The following MYO5B variants were observed in gnomAD, a reference collection of about 807,000 sequenced individuals.
The protein encoded by MYO5B is myosin VB.
Under a neutral mutation model 229.3 loss-of-function variants are expected in MYO5B, and 143 were observed. The ratio of observed to expected loss-of-function variants is 0.62; its 90% confidence interval spans 0.54 to 0.72. The LOEUF (loss-of-function observed/expected upper bound fraction) is 0.72. Ranked by LOEUF, MYO5B falls within the 30% of genes least tolerant of loss-of-function variation. The probability of loss-of-function intolerance (pLI) is 0.00; values close to 1 mark genes in which losing one functional copy is unlikely to be tolerated. For synonymous variants in MYO5B, 918 were observed against 885.2 expected, an observed-to-expected ratio of 1.04 and a Z score of -0.66; for missense variants, 2,321 against 2,331.0, an observed-to-expected ratio of 1.00 and a Z score of 0.09.
intron 25 of MYO5B, 51 bp downstream of exon 25, chr18:49,877,712 A>G (rs781296246): frequency 1.2e-6 from 2 of 1,611,972 alleles, no homozygotes; most frequent in Admixed American, 3.3e-5. Context: ...ACAGAAAAAA[A>G]CACACACTCC....
intron 22 of MYO5B, among the ~76,000 whole-genome samples, chr18:49,881,366 A>T (rs1288957310): frequency 6.6e-6 from 1 of 152,096 alleles, no homozygotes; most frequent in African/African-American, 2.4e-5. Flanking sequence ...TGCTATTGAC[A>T]CTCAACTGTC....
chr18:49,942,387 A>AC (rs1194950227), intron 14 of MYO5B, among the ~76,000 whole-genome samples: 1,211 of 109,240 alleles, frequency 0.011, 26 homozygotes, highest in African/African-American at 0.039. Flanking sequence ...CAGCAAAAAA[A>AC]AAAAAAAAAA....
chr18:49,921,049 C>T (rs1787308), intron 17 of MYO5B, among the ~76,000 whole-genome samples: 78,351 of 152,006 alleles, frequency 0.52, 21,003 homozygotes, highest in Middle Eastern at 0.61. Context: ...AGTAACTGTG[C>T]GTCTGTTTTA....
intron 22 of MYO5B, among the ~76,000 whole-genome samples, chr18:49,885,470 C>T (rs560741938): frequency 1.3e-5 from 2 of 152,258 alleles, no homozygotes; most frequent in African/African-American, 4.8e-5. Context: ...CTCTTCTAGA[C>T]TTCATGGCAT....
chr18:49,941,010 A>C, intron 14 of MYO5B, among the ~76,000 whole-genome samples: 1 of 152,238 alleles, frequency 6.6e-6, no homozygotes, highest in East Asian at 1.9e-4. Flanking sequence ...GAGTCAAGAG[A>C]AATTAACACA....
chr18:49,887,256 T>C (rs1159796036), intron 22 of MYO5B, among the ~76,000 whole-genome samples: 2 of 152,120 alleles, frequency 1.3e-5, no homozygotes, highest in South Asian at 4.1e-4. Context: ...TTGGTGATGA[T>C]GTCATGCACT....
intron 14 of MYO5B, 109 bp from the exon 15 acceptor site, chr18:49,937,506 A>G (rs1733348855): frequency 1.5e-6 from 2 of 1,300,622 alleles, no homozygotes; most frequent in African/African-American, 2.9e-5. Flanking sequence ...ACACACATCC[A>G]CGCCAAAACC....
At chr18:49,944,518 G>C (rs1006774989) in intron 14 of MYO5B, among the ~76,000 whole-genome samples, 1 of 152,044 alleles carries the variant, frequency 6.6e-6, no homozygotes, top group South Asian at 2.1e-4. Context: ...TAGCAGGAAG[G>C]GCATGGGGCT....
intron 7 of MYO5B, among the ~76,000 whole-genome samples, chr18:49,989,173 G>A (rs535309653): frequency 5.3e-5 from 8 of 152,126 alleles, no homozygotes; most frequent in Non-Finnish European, 7.4e-5. Context: ...ATGAACAAAC[G>A]CAAGAATTAT....
chr18:49,846,106 G>A (rs1208122171), intron 33 of MYO5B, among the ~76,000 whole-genome samples: 1 of 152,200 alleles, frequency 6.6e-6, no homozygotes, highest in African/African-American at 2.4e-5. Flanking sequence ...TGGCAGGCCA[G>A]CCCTGATTCA....
Position 49,853,468 on chromosome 18 carries a change from C to T in MYO5B, c.4202G>A (p.Arg1401Gln), listed in dbSNP as rs199722479. Residue 1401 changes from arginine to glutamine, a missense_variant, in exon 31 of 40, where the codon CGG (arginine) becomes CAG (glutamine). By Grantham distance (43) the Arg-to-Gln change is conservative. Coordinates refer to ENST00000285039, the MANE Select transcript of MYO5B (RefSeq NM_001080467.3). Reference protein sequence around the residue: ...VEFGVQQEISRLTNENLDLKE... With the variant: ...VEFGVQQEISQLTNENLDLKE... Reference sequence around the variant, plus strand: ...ACCCACCAGATTCTCGTTGGTCAGCCGGGATATTTCCTGCTGAACGCCGAA... The same window carrying T: ...ACCCACCAGATTCTCGTTGGTCAGCTGGGATATTTCCTGCTGAACGCCGAA... 6.0e-5 allele frequency: 97 copies of T among 1,613,890 alleles called. 1 individual carries two copies. The East Asian group carries it at 1.9e-3, about 32-fold the overall frequency.
chr18:49,954,725 G>T (rs1366968072), intron 12 of MYO5B, among the ~76,000 whole-genome samples: 2 of 152,178 alleles, frequency 1.3e-5, no homozygotes, highest in Non-Finnish European at 2.9e-5. Flanking sequence ...GAAAGCCAAG[G>T]TCACAGGAGC....
chr18:50,117,921 G>A (rs2031991724), intron 1 of MYO5B, among the ~76,000 whole-genome samples: 1 of 152,152 alleles, frequency 6.6e-6, no homozygotes, highest in South Asian at 2.1e-4. Context: ...TATGAAAGGA[G>A]CAAAGTCAGT....
At chr18:49,906,312 G>C in intron 19 of MYO5B, 107 bp downstream of exon 19, 1 of 1,148,802 alleles carries the variant, frequency 8.7e-7, no homozygotes, top group Non-Finnish European at 1.3e-6. Flanking sequence ...GCCCCAACAG[G>C]AACCACTCTC....
At chr18:49,967,334 T>G (rs1490427924) in intron 10 of MYO5B, among the ~76,000 whole-genome samples, 1 of 152,190 alleles carries the variant, frequency 6.6e-6, no homozygotes, top group Non-Finnish European at 1.5e-5. Context: ...AGTCACTAAG[T>G]TAATGATCAA....
At chr18:50,023,711 T>C (rs1021633523) in intron 4 of MYO5B, among the ~76,000 whole-genome samples, 1 of 152,186 alleles carries the variant, frequency 6.6e-6, no homozygotes, top group African/African-American at 2.4e-5. Context: ...TAGTCTGTTC[T>C]AGCAGCTGCT....
At position 49,988,633 on chromosome 18, in the gene MYO5B, A is replaced by G. The variant is rs904378894; in HGVS notation, c.838+1806T>C. Among the ~76,000 whole-genome samples the G allele has an allele frequency of 3.9e-5, 6 of 152,350 alleles. No individual in the cohort carries two copies. In the South Asian group the frequency reaches 1.0e-3, roughly 26 times the overall value. On this transcript the variant is annotated intron_variant, in intron 7 of 39. Transcript: ENST00000285039. ...TCTTGCCAATATTTGTTTATTTTCT[A>G]TAAAACTGACCTGAGGGAAAAAAAT...
intron 1 of MYO5B, among the ~76,000 whole-genome samples, chr18:50,078,207 A>C (rs146372868): frequency 6.6e-6 from 1 of 152,352 alleles, no homozygotes; most frequent in African/African-American, 2.4e-5. Context: ...CTACAGGGAA[A>C]GGAAATTGAT....
intron 1 of MYO5B, among the ~76,000 whole-genome samples, chr18:50,148,084 A>C (rs1599057277): frequency 6.7e-6 from 1 of 150,220 alleles, no homozygotes; most frequent in East Asian, 2.0e-4. Flanking sequence ...GAAAATCTAG[A>C]AGAAATGGAT....
Sources: allele counts gnomAD v4.1 joint callset (sites outside exome capture counted in the v4.1 genomes callset), GRCh38; gene constraint gnomAD v4.1.1; transcripts MANE v1.5; gene names NCBI Gene and HGNC (gene_info 2026-07-23, HGNC 2026-07-21).